The following BMP8A variants were observed in gnomAD, a reference collection of about 807,000 sequenced individuals.
BMP8A encodes the protein BMP-8A.
BMP8A carries 14 observed loss-of-function variants against 36.8 expected under a neutral mutation model. The observed-to-expected ratio is 0.38, with a 90% CI of 0.25 to 0.60. The LOEUF (loss-of-function observed/expected upper bound fraction) is 0.60. BMP8A is among the 20% of genes least tolerant of loss of function. The pLI, the probability that BMP8A is intolerant of heterozygous loss-of-function variation, is 0.63. For synonymous variants in BMP8A, 120 were observed against 237.7 expected, an observed-to-expected ratio of 0.50 and a Z score of 4.55; for missense variants, 267 against 551.1, an observed-to-expected ratio of 0.48 and a Z score of 5.16.
chr1:39,505,986 C>A (rs783839), intron 1 of BMP8A, among the ~76,000 whole-genome samples: 121,625 of 132,974 alleles, frequency 0.91, 55,335 homozygotes, highest in Middle Eastern at 0.95. Flanking sequence ...ACCCTGTCTC[C>A]AAAAAAAAAA....
At chr1:39,507,028 G>A (rs1453597424) in intron 1 of BMP8A, among the ~76,000 whole-genome samples, 1 of 152,190 alleles carries the variant, frequency 6.6e-6, no homozygotes, top group Non-Finnish European at 1.5e-5. Flanking sequence ...ATGCCCAAAA[G>A]TGAAATTATG....
chr1:39,524,882 C>CGGAGGT lies in BMP8A; in HGVS notation c.1060-760_1060-755dup, dbSNP rs1414652889. 1 of 152,408 alleles carries CGGAGGT rather than the reference C, an allele frequency of 6.6e-6. No homozygotes were observed. Among genetic ancestry groups the CGGAGGT allele is most frequent in the Non-Finnish European group, 1.5e-5 (1 of 68,318 alleles). The allele number at this position is 152,408 out of a possible 1,614,324, so 9.4% of individuals were successfully genotyped here. A position where few individuals can be genotyped will look rare whatever the true frequency, so the allele number is the denominator to read the frequency against. On this transcript the variant is annotated intron_variant, in intron 6 of 6. Coordinates refer to ENST00000331593, the MANE Select transcript of BMP8A (RefSeq NM_181809.4). This position sits in a 1 kb window ranked among gnomAD's most constrained non-coding sequence, Gnocchi z 4.0. ...ACTGGGCAGGTGGTCCGAGGCAGCACGGAGGTGGAGGTTGAGCCAGGGGCT... is the reference window on the plus strand; with the variant it reads ...ACTGGGCAGGTGGTCCGAGGCAGCACGGAGGTGGAGGTGGAGGTTGAGCCAGGGGCT...
chr1:39,505,744 G>T (rs547443110), intron 1 of BMP8A, among the ~76,000 whole-genome samples: 2 of 152,288 alleles, frequency 1.3e-5, no homozygotes, highest in African/African-American at 4.8e-5. Context: ...CACTCTGGAA[G>T]GCCAAGGCAA....
At chr1:39,510,949 A>G (rs530265658) in intron 1 of BMP8A, among the ~76,000 whole-genome samples, 13 of 152,302 alleles carry the variant, frequency 8.5e-5, no homozygotes, top group Non-Finnish European at 1.8e-4. Flanking sequence ...AGCCAGGTGC[A>G]GGGCTCAGGG....
intron 1 of BMP8A, among the ~76,000 whole-genome samples, chr1:39,501,608 T>C (rs72662001): frequency 0.17 from 26,356 of 152,186 alleles, 2,882 homozygotes; most frequent in Middle Eastern, 0.24. Context: ...CTCAGCTCAC[T>C]GCAACCTCTG....
At chr1:39,522,788 A>AGGGGAGGGCCGGCTGGGGAGGGCCGGCT (rs200844439) in intron 5 of BMP8A, among the ~76,000 whole-genome samples, 4 of 147,136 alleles carry the variant, frequency 2.7e-5, no homozygotes, top group African/African-American at 9.8e-5. Context: ...AGGTGTGGGC[A>AGGGGAGGGCCGGCTGGGGAGGGCCGGCT]GGGGAGGGCC....
In BMP8A at chr1:39,509,354, G is replaced by A. The variant is rs114959869; in HGVS notation, c.335-1820G>A. ...ACCCACTGAAATTGTCACCCAAGTCGTGTTGTGTGAGTGTGTTAGGGAAGA... is the reference window on the plus strand; with the variant it reads ...ACCCACTGAAATTGTCACCCAAGTCATGTTGTGTGAGTGTGTTAGGGAAGA... On this transcript the variant is annotated intron_variant, in intron 1 of 6. Coordinates refer to ENST00000331593, the MANE Select transcript of BMP8A (RefSeq NM_181809.4). Among the ~76,000 whole-genome samples the A allele has an allele frequency of 4.8e-3, 735 of 152,292 alleles. 3 individuals carry two copies. Among genetic ancestry groups the A allele is most frequent in the African/African-American group, 0.017 (696 of 41,556 alleles).
At position 39,492,305 on chromosome 1, in the gene BMP8A, T is replaced by C; in HGVS notation, c.314T>C (p.Val105Ala). The change falls in exon 1 of 7, where the codon GTC becomes GCC. Residue 105 changes from valine to alanine, a missense_variant. Val to Ala is a moderately conservative substitution (Grantham distance 64). Coordinates refer to ENST00000331593, the MANE Select transcript of BMP8A (RefSeq NM_181809.4). ...CAGCGCCTGGGCCGCGCCGACCTGG[T>C]CATGAGCTTCGTCAACATGGGTGAG... The part of the protein sequence containing the change: ...AEQRLGRADL[V>A]MSFVNMVERD... The C allele has an allele frequency of 1.3e-6, 2 of 1,562,330 alleles. No individual in the cohort carries two copies. Among genetic ancestry groups the C allele is most frequent in the Non-Finnish European group, 1.7e-6 (2 of 1,165,510 alleles).
At chr1:39,507,753 G>A (rs1645314246) in intron 1 of BMP8A, among the ~76,000 whole-genome samples, 2 of 152,286 alleles carry the variant, frequency 1.3e-5, no homozygotes, top group Admixed American at 1.3e-4. Context: ...AGAAGCATTC[G>A]CTGGACCATA....
chr1:39,522,333 C>T (rs530277521), intron 4 of BMP8A, 70 bp from the exon 5 acceptor site: 1,194 of 1,402,202 alleles, frequency 8.5e-4, no homozygotes, highest in Non-Finnish European at 1.1e-3. Context: ...GCATCCCCCA[C>T]CCTGGTACCC....
intron 3 of BMP8A, 72 bp downstream of exon 3, chr1:39,511,976 GC>G (rs1440907945): frequency 3.4e-6 from 2 of 580,740 alleles, no homozygotes; most frequent in Non-Finnish European, 5.7e-6. Context: ...GCTTCCTGTG[GC>G]CCTGGGTGCC....
intron 3 of BMP8A, among the ~76,000 whole-genome samples, chr1:39,519,740 C>T (rs1262487994): frequency 1.7e-4 from 26 of 151,840 alleles, no homozygotes; most frequent in African/African-American, 4.6e-4. Context: ...TGGAGAACTA[C>T]GTAGGAATAA....
chr1:39,517,031 C>T (rs1645399866), intron 3 of BMP8A, among the ~76,000 whole-genome samples: 1 of 151,962 alleles, frequency 6.6e-6, no homozygotes, highest in Non-Finnish European at 1.5e-5. Context: ...CTCTGTCACT[C>T]AGGCTGGAAT....
intron 3 of BMP8A, among the ~76,000 whole-genome samples, chr1:39,517,647 T>G (rs1424079227): frequency 6.6e-6 from 1 of 152,154 alleles, no homozygotes; most frequent in Non-Finnish European, 1.5e-5. Context: ...TATCTGGTAT[T>G]TCTTCTGGGG....
intron 3 of BMP8A, among the ~76,000 whole-genome samples, chr1:39,514,672 G>A (rs1185962559): frequency 6.6e-6 from 1 of 152,092 alleles, no homozygotes; most frequent in Non-Finnish European, 1.5e-5. Context: ...GGGGCAGGAG[G>A]GGACCTAGCC....
chr1:39,496,162 C>CCATT (rs1485929354), intron 1 of BMP8A, among the ~76,000 whole-genome samples: 2 of 133,084 alleles, frequency 1.5e-5, no homozygotes, highest in African/African-American at 5.4e-5. Flanking sequence ...TTTCATTTTC[C>CCATT]CATTCATTCA....
Position 39,525,997 on chromosome 1 carries a change from C to A in BMP8A, c.*199C>A. On this transcript the variant is annotated 3_prime_UTR_variant, in exon 7 of 7. Transcript: ENST00000331593. ...CTGGGGTTTGTGGCTGTCACTCTGC[C>A]CGACACTTTGGTGGCCTAAGGCACA... is the stretch of plus-strand genomic sequence containing the variant. 1 of 939,476 alleles carries A rather than the reference C, an allele frequency of 1.1e-6. No individual in the cohort carries two copies. Among genetic ancestry groups the A allele is most frequent in the Non-Finnish European group, 1.6e-6 (1 of 644,874 alleles). 58.2% of individuals were successfully genotyped at this position (939,476 alleles called of 1,614,324 possible). A position where few individuals can be genotyped will look rare whatever the true frequency, so the allele number is the denominator to read the frequency against.
chr1:39,505,066 T>G, intron 1 of BMP8A, among the ~76,000 whole-genome samples: 1 of 152,160 alleles, frequency 6.6e-6, no homozygotes, highest in South Asian at 2.1e-4. Flanking sequence ...CACCACGACA[T>G]TCCAATCCCA....
intron 3 of BMP8A, among the ~76,000 whole-genome samples, chr1:39,519,965 T>TG (rs1645419253): frequency 8.6e-6 from 1 of 116,684 alleles, no homozygotes; most frequent in Non-Finnish European, 1.8e-5. Flanking sequence ...ATTTCACCCA[T>TG]GCACGGAGTG....
Sources: gnomAD v4.1 joint callset for allele counts (sites outside exome capture counted in the v4.1 genomes callset) on GRCh38, gnomAD v4.1.1 for gene constraint, Gnocchi (gnomAD v3.1) non-coding constraint, MANE v1.5 for transcripts, NCBI Gene and HGNC (gene_info 2026-07-23, HGNC 2026-07-21) for gene names.